Variants in LRRC74B observed in about 807,000 individuals in gnomAD.
LRRC74B encodes the protein leucine-rich repeat-containing protein 74B.
LRRC74B carries 30 observed loss-of-function variants against 16.6 expected under a neutral mutation model. The ratio of observed to expected loss-of-function variants is 1.80; its 90% CI spans 1.35 to 2.45. The LOEUF is 2.45. Ranked by LOEUF, LRRC74B falls within the 30% of genes most tolerant of loss-of-function variation. The pLI is 0.00. For missense variants in LRRC74B, 326 were observed against 202.4 expected (o/e 1.61, Z -3.71); for synonymous variants, 134 against 86.0 (o/e 1.56, Z -3.09).
At position 21,053,218 on chromosome 22, in the gene LRRC74B, C is replaced by G; in HGVS notation, c.733-142C>G. 3 of 595,920 alleles carry G rather than the reference C, an allele frequency of 5.0e-6. No homozygotes were observed. In the East Asian group the frequency reaches 8.5e-5, roughly 17 times the overall value. 36.9% of individuals were successfully genotyped at this position (595,920 alleles called of 1,614,324 possible). On this transcript the variant is annotated intron_variant, in intron 5 of 8. Transcript: ENST00000442047. ...ACCAGGGGGTCTGCATGGCACTTTC[C>G]TGACCCTTCCTTGGAGCCTCTCCCC...
At chr22:21,049,554 G>C (rs1929808518) in intron 4 of LRRC74B, 1 of 181,198 alleles carries the variant, frequency 5.5e-6, no homozygotes, top group Non-Finnish European at 1.2e-5. Context: ...GCCTCTGTGA[G>C]GTGACATTTA....
intron 8 of LRRC74B, among the ~76,000 whole-genome samples, chr22:21,058,856 C>T (rs1177627310): frequency 1.3e-5 from 2 of 152,216 alleles, no homozygotes; most frequent in Admixed American, 6.5e-5. Context: ...TGTGGGAATG[C>T]CATGGGCTTT....
chr22:21,053,593 C>G (rs534188702), intron 6 of LRRC74B, 118 bp downstream of exon 6: 5 of 615,446 alleles, frequency 8.1e-6, no homozygotes, highest in Non-Finnish European at 1.5e-5. Context: ...AATCCCAGAG[C>G]AGCTCTGTCA....
At chr22:21,064,091 G>A (rs965456295), downstream of LRRC74B, 2 of 152,658 alleles carry the variant, frequency 1.3e-5, no homozygotes, top group Admixed American at 6.5e-5. Context: ...TTGTTTAAAG[G>A]CATTTTGTTC....
At chr22:21,048,694 C>G (rs1031226577) in intron 3 of LRRC74B, 2 of 502,264 alleles carry the variant, frequency 4.0e-6, no homozygotes, top group African/African-American at 3.8e-5. Flanking sequence ...AGCTGCCCCC[C>G]ACCACAGCAG....
chr22:21,056,121 C>T (rs1204461665), intron 7 of LRRC74B, among the ~76,000 whole-genome samples: 1 of 152,162 alleles, frequency 6.6e-6, no homozygotes, highest in Non-Finnish European at 1.5e-5. Context: ...TCTTTCTTCC[C>T]AGCTGCTACC....
exon 1 of LRRC74B, chr22:21,046,001 T>C (rs376387243): frequency 2.8e-6 from 2 of 717,276 alleles, no homozygotes. Context: ...GGGGTTCCTG[T>C]GAGAGGTCTG....
exon 3 of LRRC74B, chr22:21,048,006 C>G: frequency 1.4e-6 from 1 of 717,324 alleles, no homozygotes; most frequent in Non-Finnish European, 2.6e-6. Context: ...GCAAAAGCAG[C>G]AGCATCCATG....
At chr22:21,061,318 CAA>C (rs553704161), downstream of LRRC74B, among the ~76,000 whole-genome samples, 3 of 138,954 alleles carry the variant, frequency 2.2e-5, no homozygotes, top group African/African-American at 8.0e-5. Flanking sequence ...AACTCTGTCT[CAA>C]AAAAAAAAAA....
At chr22:21,062,903 T>C (rs906271551), downstream of LRRC74B, 1 of 151,428 alleles carries the variant, frequency 6.6e-6, no homozygotes, top group African/African-American at 2.4e-5. Flanking sequence ...TGGTGGCATG[T>C]GCCTGTCGTT....
intron 3 of LRRC74B, 21 bp from the exon 4 acceptor site, chr22:21,048,930 A>G (rs1280111304): frequency 1.4e-6 from 1 of 714,138 alleles, no homozygotes. Context: ...CCACTGGCCG[A>G]GGAGTGGTTC....
downstream of LRRC74B, chr22:21,061,592 T>C (rs542466584): frequency 7.9e-5 from 12 of 152,092 alleles, no homozygotes; most frequent in African/African-American, 2.4e-4. Flanking sequence ...AGCTCAGGAG[T>C]TGGAGACCAG....
At chr22:21,047,313 G>A (rs1460210022) in intron 1 of LRRC74B, 43 bp from the exon 2 acceptor site, 2 of 706,560 alleles carry the variant, frequency 2.8e-6, no homozygotes, top group Admixed American at 4.1e-5. Flanking sequence ...ACAGGTGGCT[G>A]TAGCTGTGCA....
downstream of LRRC74B, chr22:21,062,853 C>A (rs1248136262): frequency 1.3e-5 from 2 of 151,606 alleles, no homozygotes; most frequent in Non-Finnish European, 2.9e-5. Flanking sequence ...CATCGTGAGA[C>A]CCCCGTTTCT....
At chr22:21,059,451 ACTCGGG>A (rs1295751613) in intron 8 of LRRC74B, among the ~76,000 whole-genome samples, 1 of 152,054 alleles carries the variant, frequency 6.6e-6, no homozygotes, top group Non-Finnish European at 1.5e-5. Context: ...AACCTCAGCT[ACTCGGG>A]AGGCTGAGGC....
downstream of LRRC74B, chr22:21,062,865 C>CA (rs374412099): frequency 5.9e-4 from 89 of 151,904 alleles, no homozygotes; most frequent in African/African-American, 1.9e-3. Flanking sequence ...CCCGTTTCTA[C>CA]AAAAAACATT....
intron 7 of LRRC74B, among the ~76,000 whole-genome samples, chr22:21,055,589 G>C (rs1368871492): frequency 6.6e-6 from 1 of 152,154 alleles, no homozygotes; most frequent in Admixed American, 6.5e-5. Flanking sequence ...GGTGGGGAGG[G>C]AGTGCTGAGC....
chr22:21,058,933 G>A (rs1454672725), intron 8 of LRRC74B, among the ~76,000 whole-genome samples: 2 of 152,188 alleles, frequency 1.3e-5, no homozygotes, highest in African/African-American at 2.4e-5. Context: ...AAGATTCTGA[G>A]TCAAAGAATC....
At chr22:21,048,824 C>T in intron 3 of LRRC74B, 127 bp from the exon 4 acceptor site, 2 of 614,334 alleles carry the variant, frequency 3.3e-6, no homozygotes, top group Non-Finnish European at 3.0e-6. Context: ...AGCCACCATG[C>T]AACCCCAGGA....
Sources: allele counts gnomAD v4.1 joint callset (sites outside exome capture counted in the v4.1 genomes callset), GRCh38; gene constraint gnomAD v4.1.1; transcripts MANE v1.5; gene names NCBI Gene and HGNC (gene_info 2026-07-23, HGNC 2026-07-21).